The following KIN variants were observed in gnomAD, a reference collection of about 807,000 sequenced individuals.
KIN encodes DNA/RNA-binding protein KIN17.
A neutral mutation model predicts 63.0 loss-of-function variants in KIN; 47 were observed. The observed-to-expected ratio is 0.75, with a 90% CI of 0.59 to 0.95. The LOEUF (loss-of-function observed/expected upper bound fraction) is 0.95. Among genes scored for constraint, KIN ranks in the 40% least tolerant of loss-of-function variants. The pLI, the probability that KIN is intolerant of heterozygous loss-of-function variation, is 0.00. For synonymous variants in KIN, 160 were observed against 157.7 expected, an observed-to-expected ratio of 1.01 and a Z score of -0.11; for missense variants, 408 against 460.9, an observed-to-expected ratio of 0.89 and a Z score of 1.05.
At chr10:7,760,153 G>A (rs1201807271) in intron 11 of KIN, among the ~76,000 whole-genome samples, 163 bp from the exon 12 acceptor site, 1 of 152,144 alleles carries the variant, frequency 6.6e-6, no homozygotes, top group Non-Finnish European at 1.5e-5. Context: ...TTTTAGTGCG[G>A]TGTATGGATA....
intron 7 of KIN, 83 bp downstream of exon 7, chr10:7,774,748 G>A: frequency 3.7e-6 from 4 of 1,076,912 alleles, no homozygotes; most frequent in South Asian, 1.4e-5. Flanking sequence ...AGAAAAAAAT[G>A]ATTCACAATA....
At chr10:7,771,856 C>A (rs1835671777) in intron 7 of KIN, among the ~76,000 whole-genome samples, 1 of 147,888 alleles carries the variant, frequency 6.8e-6, no homozygotes, top group Non-Finnish European at 1.5e-5. Context: ...GGTCATGCCA[C>A]TGCGCTCCAG....
chr10:7,783,955 G>C (rs893698128), intron 1 of KIN, among the ~76,000 whole-genome samples: 2 of 151,976 alleles, frequency 1.3e-5, no homozygotes, highest in South Asian at 4.1e-4. Flanking sequence ...TTCCACACTC[G>C]ATTTTGCTTC....
intron 5 of KIN, 124 bp downstream of exon 5, chr10:7,778,714 G>A: frequency 1.0e-6 from 1 of 992,812 alleles, no homozygotes; most frequent in Admixed American, 2.2e-5. Flanking sequence ...ACTCCAGCCT[G>A]GGCGGCAGAG....
In KIN at chr10:7,774,847, T is replaced by C; in HGVS notation, c.652A>G (p.Thr218Ala). Residue 218 changes from threonine (T) to alanine (A), a missense_variant, in exon 7 of 13, where the codon ACA becomes GCA. Coordinates refer to ENST00000379562, the MANE Select transcript of KIN (RefSeq NM_012311.4). ...SKGACSSSGA[T>A]SSKSSTLGPS... ...GCAGCTCACCTTGACTTGGAAGATG[T>C]TGCTCCGGATGAGCTACATGCTCCT... is the stretch of plus-strand genomic sequence containing the variant. 6.2e-7 allele frequency: 1 copy of C among 1,613,434 alleles called. No homozygotes were observed. The highest frequency in any genetic ancestry group is 8.5e-7 in the Non-Finnish European group (1 of 1,179,416).
rs1835239530 is a variant in KIN at position 7,751,150 on chromosome 10, T to G, written c.*4930A>C. 1 of 152,236 alleles carries G rather than the reference T, an allele frequency of 6.6e-6. No homozygotes were observed. Among genetic ancestry groups the G allele is most frequent in the African/African-American group, 2.4e-5 (1 of 41,458 alleles). 9.4% of individuals were successfully genotyped at this position (152,236 alleles called of 1,614,324 possible). A position where few individuals can be genotyped will look rare whatever the true frequency, so the allele number is the denominator to read the frequency against. On this transcript the variant is annotated 3_prime_UTR_variant, in exon 13 of 13. Coordinates refer to ENST00000379562, the MANE Select transcript of KIN (RefSeq NM_012311.4). ...ATGCAAGTCTGAACCAGTGTAATTC[T>G]GTGCTTTGCTGTGTTTACAACTTTC...
intron 1 of KIN, among the ~76,000 whole-genome samples, chr10:7,783,740 C>T (rs916135755): frequency 6.6e-6 from 1 of 152,142 alleles, no homozygotes; most frequent in African/African-American, 2.4e-5. Context: ...ATTTGACCCT[C>T]ATTCTTCACT....
chr10:7,776,953 T>A lies in KIN; in HGVS notation c.559-1154A>T, dbSNP rs1003528743. Reference sequence around the variant, plus strand: ...GCACACCTATAGTCCCAGCTACTCATATGAGGCAAGAGGTTCACTTGAGCA... The same window carrying A: ...GCACACCTATAGTCCCAGCTACTCAAATGAGGCAAGAGGTTCACTTGAGCA... On this transcript the variant is annotated intron_variant, in intron 5 of 12. Transcript: ENST00000379562. 2.8e-5 allele frequency among the ~76,000 whole-genome samples: 4 copies of A among 144,146 alleles called. No homozygotes were observed. In the East Asian group the frequency reaches 8.2e-4, roughly 30 times the overall value. 94.6% of individuals were successfully genotyped at this position (144,146 alleles called of 152,430 possible).
intron 12 of KIN, among the ~76,000 whole-genome samples, chr10:7,758,096 G>A (rs1169842505): frequency 6.2e-5 from 8 of 129,364 alleles, no homozygotes; most frequent in Non-Finnish European, 9.7e-5. Context: ...TTTTTTTTGA[G>A]ACGGAGTCTC....
Position 7,752,915 on chromosome 10 carries a change from T to C in KIN, c.*3165A>G, listed in dbSNP as rs757881640. 6 of 152,102 alleles carry C rather than the reference T, an allele frequency of 3.9e-5. No homozygotes were observed. The highest frequency in any genetic ancestry group is 9.7e-5 in the African/African-American group (4 of 41,388). The allele number at this position is 152,102 out of a possible 1,614,324, so 9.4% of individuals were successfully genotyped here. A position where few individuals can be genotyped will look rare whatever the true frequency, so the allele number is the denominator to read the frequency against. On this transcript the variant is annotated 3_prime_UTR_variant, in exon 13 of 13. Transcript: ENST00000379562. ...AAAAAGATCAGCGGTCAGCAGGGAT[T>C]TGGGGGGAGACAGGGAACAGACAGA...
In KIN at chr10:7,753,037, CTAAAAAG is replaced by C. The variant is rs1281867888; in HGVS notation, c.*3036_*3042del. Reference sequence around the variant, plus strand: ...TTTGTCAAAACCCACAGAGACTGCTCTAAAAAGTAAAGTCTATGTTTGAAATAAAGAA... The same window carrying C: ...TTTGTCAAAACCCACAGAGACTGCTCTAAAGTCTATGTTTGAAATAAAGAA... On this transcript the variant is annotated 3_prime_UTR_variant, in exon 13 of 13. Transcript: ENST00000379562. 1 of 150,980 alleles carries C rather than the reference CTAAAAAG, an allele frequency of 6.6e-6. No individual in the cohort carries two copies. Among genetic ancestry groups the C allele is most frequent in the East Asian group, 1.9e-4 (1 of 5,184 alleles). 9.4% of individuals were successfully genotyped at this position (150,980 alleles called of 1,614,324 possible).
intron 11 of KIN, among the ~76,000 whole-genome samples, chr10:7,761,675 T>G (rs1835438566): frequency 6.6e-6 from 1 of 152,150 alleles, no homozygotes; most frequent in African/African-American, 2.4e-5. Context: ...TTGTATAAAA[T>G]TACCTTCAGG....
In KIN at chr10:7,752,590, T is replaced by C. The variant is rs1400466568; in HGVS notation, c.*3490A>G. ...TCGTTACGTAAATAAGTTGAAAACG[T>C]CTATCCACAAAAAACCTGCGCACAG... On this transcript the variant is annotated 3_prime_UTR_variant, in exon 13 of 13. Coordinates refer to ENST00000379562, the MANE Select transcript of KIN (RefSeq NM_012311.4). 1 of 152,204 alleles carries C rather than the reference T, an allele frequency of 6.6e-6. No homozygotes were observed. Among genetic ancestry groups the C allele is most frequent in the African/African-American group, 2.4e-5 (1 of 41,450 alleles). The allele number at this position is 152,204 out of a possible 1,614,324, so 9.4% of individuals were successfully genotyped here. A position where few individuals can be genotyped will look rare whatever the true frequency, so the allele number is the denominator to read the frequency against.
At chr10:7,775,433 T>A (rs1835750470) in intron 6 of KIN, among the ~76,000 whole-genome samples, 1 of 152,196 alleles carries the variant, frequency 6.6e-6, no homozygotes, top group Non-Finnish European at 1.5e-5. Flanking sequence ...CAATGCAGAA[T>A]CTGCATGTGA....
At chr10:7,756,677 G>A (rs1835338556) in intron 12 of KIN, among the ~76,000 whole-genome samples, 1 of 152,182 alleles carries the variant, frequency 6.6e-6, no homozygotes, top group Admixed American at 6.5e-5. Flanking sequence ...CCCATTTGGG[G>A]TTTTTAGAGT....
chr10:7,770,679 C>G (rs563689429), intron 7 of KIN, among the ~76,000 whole-genome samples: 1 of 152,130 alleles, frequency 6.6e-6, no homozygotes, highest in Non-Finnish European at 1.5e-5. Flanking sequence ...ATGACTTTTA[C>G]CCATCTAATT....
rs1455616717 is a variant in KIN at position 7,755,863 on chromosome 10, C to T, written c.*217G>A. 1 of 352,538 alleles carries T rather than the reference C, an allele frequency of 2.8e-6. No individual in the cohort carries two copies. The highest frequency in any genetic ancestry group is 5.1e-6 in the Non-Finnish European group (1 of 197,274). 21.8% of individuals were successfully genotyped at this position (352,538 alleles called of 1,614,324 possible). A position where few individuals can be genotyped will look rare whatever the true frequency, so the allele number is the denominator to read the frequency against. On this transcript the variant is annotated 3_prime_UTR_variant, in exon 13 of 13. Coordinates refer to ENST00000379562, the MANE Select transcript of KIN (RefSeq NM_012311.4). ...CTCATCAAGTAAATTACAAAGGAAA[C>T]AAAAATAACAAGGACAAAATTACAT... is the stretch of plus-strand genomic sequence containing the variant.
At chr10:7,775,012 T>C in intron 6 of KIN, 121 bp from the exon 7 acceptor site, 3 of 720,898 alleles carry the variant, frequency 4.2e-6, no homozygotes, top group East Asian at 2.6e-5. Flanking sequence ...AAACGAGAGC[T>C]AAAATGTTCC....
chr10:7,758,759 T>C (rs891573065), intron 12 of KIN, among the ~76,000 whole-genome samples: 2 of 152,088 alleles, frequency 1.3e-5, no homozygotes, highest in Non-Finnish European at 2.9e-5. Context: ...CTTATGCTGA[T>C]AGAGTCAGAG....
Sources: gnomAD v4.1 joint callset for allele counts (sites outside exome capture counted in the v4.1 genomes callset) on GRCh38, gnomAD v4.1.1 for gene constraint, MANE v1.5 for transcripts, NCBI Gene and HGNC (gene_info 2026-07-23, HGNC 2026-07-21) for gene names.